Variants in TNFSF4 observed in about 807,000 individuals in gnomAD.
The protein encoded by TNFSF4 is TNF superfamily member 4.
In TNFSF4, 4 loss-of-function variants were observed where a neutral mutation model predicts 7.3. The observed-to-expected ratio is 0.55, with a 90% CI of 0.27 to 1.25. TNFSF4 has a LOEUF of 1.25. TNFSF4 is among the 50% of genes most tolerant of loss of function. The probability of loss-of-function intolerance (pLI) is 0.12; values close to 1 mark genes in which losing one functional copy is unlikely to be tolerated. For synonymous variants in TNFSF4, 76 were observed against 83.7 expected (o/e 0.91, Z 0.50); for missense variants, 181 against 208.8 (o/e 0.87, Z 0.82).
chr1:173,371,734 C>T, the TNFSF4 span, among the ~76,000 whole-genome samples: 1 of 152,104 alleles, frequency 6.6e-6, no homozygotes, highest in African/African-American at 2.4e-5. Context: ...GCAGCTGTAC[C>T]CAACCCCTAT....
At chr1:173,372,604 C>T in the TNFSF4 span, among the ~76,000 whole-genome samples, 6 of 152,264 alleles carry the variant, frequency 3.9e-5, no homozygotes, top group African/African-American at 1.2e-4. Flanking sequence ...ATCTTAGTAT[C>T]AGAGGCCATC....
At chr1:173,228,052 A>T in the TNFSF4 span, among the ~76,000 whole-genome samples, 1 of 152,186 alleles carries the variant, frequency 6.6e-6, no homozygotes, top group Non-Finnish European at 1.5e-5. Context: ...CCTCTGCAGA[A>T]TTAAATGTCC....
the TNFSF4 span, among the ~76,000 whole-genome samples, chr1:173,257,675 T>C: frequency 6.6e-6 from 1 of 152,206 alleles, no homozygotes; most frequent in Non-Finnish European, 1.5e-5. Flanking sequence ...CTGGGAGGGT[T>C]CCAAACATGA....
chr1:173,403,966 G>A, the TNFSF4 span, among the ~76,000 whole-genome samples: 1 of 152,118 alleles, frequency 6.6e-6, no homozygotes. Context: ...GCCTGAAGGG[G>A]GAAATATAAA....
the TNFSF4 span, among the ~76,000 whole-genome samples, chr1:173,401,082 T>TA: frequency 6.6e-6 from 1 of 152,190 alleles, no homozygotes; most frequent in Non-Finnish European, 1.5e-5. Flanking sequence ...TTATATAACA[T>TA]AAAATGTATT....
intron 1 of TNFSF4, among the ~76,000 whole-genome samples, chr1:173,197,837 A>G (rs1451668329): frequency 6.6e-6 from 1 of 152,224 alleles, no homozygotes; most frequent in Non-Finnish European, 1.5e-5. Context: ...AACTTAAAAT[A>G]AAAGTTAAAG....
the TNFSF4 span, among the ~76,000 whole-genome samples, chr1:173,250,606 A>C: frequency 1.5e-3 from 231 of 151,936 alleles, no homozygotes; most frequent in Middle Eastern, 6.8e-3. Flanking sequence ...ACTACAGGCG[A>C]CTGCCACCAC....
the TNFSF4 span, among the ~76,000 whole-genome samples, chr1:173,378,007 G>A: frequency 1.3e-5 from 2 of 152,188 alleles, no homozygotes; most frequent in Admixed American, 1.3e-4. Context: ...TCGAGAATGT[G>A]TCAGTAAGGG....
the TNFSF4 span, chr1:173,362,375 G>A: frequency 1.7e-5 from 7 of 400,738 alleles, no homozygotes; most frequent in Non-Finnish European, 2.4e-5. Context: ...CATACTGTAC[G>A]CCTTCTTATT....
the TNFSF4 span, among the ~76,000 whole-genome samples, chr1:173,298,229 T>C: frequency 6.6e-6 from 1 of 151,884 alleles, no homozygotes; most frequent in Non-Finnish European, 1.5e-5. Flanking sequence ...ACAGATCCTA[T>C]ATTATAGCCA....
At chr1:173,283,404 C>G in the TNFSF4 span, among the ~76,000 whole-genome samples, 1 of 152,038 alleles carries the variant, frequency 6.6e-6, no homozygotes, top group Admixed American at 6.6e-5. Context: ...AACTGAGAAA[C>G]TAAGCATCAA....
At chr1:173,175,838 C>T in the TNFSF4 span, among the ~76,000 whole-genome samples, 1 of 152,184 alleles carries the variant, frequency 6.6e-6, no homozygotes, top group South Asian at 2.1e-4. Context: ...AGGTTTATTC[C>T]TCTTCCAGAA....
chr1:173,176,917 A>G, the TNFSF4 span, among the ~76,000 whole-genome samples: 1 of 152,192 alleles, frequency 6.6e-6, no homozygotes, highest in Non-Finnish European at 1.5e-5. Flanking sequence ...TGGGAGCTAA[A>G]CAACAAAAAC....
At chr1:173,435,458 T>A in the TNFSF4 span, among the ~76,000 whole-genome samples, 141 of 152,272 alleles carry the variant, frequency 9.3e-4, no homozygotes, top group African/African-American at 3.1e-3. Context: ...ATAGGATTAG[T>A]GTCCTTATAA....
chr1:173,339,757 GT>G, the TNFSF4 span, among the ~76,000 whole-genome samples: 1 of 152,142 alleles, frequency 6.6e-6, no homozygotes, highest in African/African-American at 2.4e-5. Context: ...TGTGCTTTTT[GT>G]TGTACATAGG....
the TNFSF4 span, among the ~76,000 whole-genome samples, chr1:173,272,346 TA>T: frequency 1.3e-5 from 2 of 151,562 alleles, no homozygotes; most frequent in Admixed American, 6.6e-5. Context: ...AGTATAATAA[TA>T]AAAAAAACAG....
intron 2 of TNFSF4, 41 bp downstream of exon 2, chr1:173,188,480 T>C: frequency 6.7e-6 from 10 of 1,485,990 alleles, no homozygotes; most frequent in Non-Finnish European, 9.4e-6. Flanking sequence ...GAGAAGATTC[T>C]TTCAAAAATA....
chr1:173,182,529 A>G (rs916335333), downstream of TNFSF4, among the ~76,000 whole-genome samples: 2 of 152,218 alleles, frequency 1.3e-5, no homozygotes, highest in Non-Finnish European at 2.9e-5. Context: ...CAGAGTCTCA[A>G]GTTTTCAGAC....
the TNFSF4 span, among the ~76,000 whole-genome samples, chr1:173,234,420 T>G: frequency 2.0e-5 from 3 of 152,176 alleles, no homozygotes; most frequent in Non-Finnish European, 2.9e-5. Context: ...AGAAATACCA[T>G]TTTACCCAGC....
Sources: allele counts gnomAD v4.1 joint callset (sites outside exome capture counted in the v4.1 genomes callset), GRCh38; gene constraint gnomAD v4.1.1; transcripts MANE v1.5; gene names NCBI Gene and HGNC (gene_info 2026-07-23, HGNC 2026-07-21).